BDNF: variants seen among roughly 807,000 people sequenced by gnomAD.
BDNF encodes the protein brain derived neurotrophic factor.
Under a neutral mutation model 19.5 loss-of-function variants are expected in BDNF, and 1 was observed. The ratio of observed to expected loss-of-function variants is 0.05; its 90% CI spans 0.02 to 0.24. The LOEUF (loss-of-function observed/expected upper bound fraction) is 0.24. Ranked by LOEUF, BDNF falls within the 10% of genes least tolerant of loss-of-function variation. The pLI is 1.00. For synonymous variants in BDNF, 100 were observed against 121.6 expected, an observed-to-expected ratio of 0.82 and a Z score of 1.17; for missense variants, 195 against 317.6, an observed-to-expected ratio of 0.61 and a Z score of 2.93.
Position 27,677,524 on chromosome 11 carries a change from A to G in BDNF, c.-21-18939T>C, listed in dbSNP as rs372974044. On this transcript the variant is annotated intron_variant, in intron 1 of 1. Transcript: ENST00000356660. ...GCACTCCAGCCTGGGCGACAGAGCGAGACTCCGTCTCAAAAAAAAAACAGG... is the reference window on the plus strand; with the variant it reads ...GCACTCCAGCCTGGGCGACAGAGCGGGACTCCGTCTCAAAAAAAAAACAGG... 1.7e-3 allele frequency: 241 copies of G among 141,874 alleles called. 1 individual carries two copies. The highest frequency in any genetic ancestry group is 5.7e-3 in the African/African-American group (226 of 39,362). The allele number at this position is 141,874 out of a possible 1,614,324, so 8.8% of individuals were successfully genotyped here.
At chr11:27,674,707 G>A in intron 1 of BDNF, 2 of 985,334 alleles carry the variant, frequency 2.0e-6, no homozygotes, top group Non-Finnish European at 2.4e-6. Flanking sequence ...GAAAACATCT[G>A]TTTATCTCCA....
intron 1 of BDNF, among the ~76,000 whole-genome samples, chr11:27,679,470 C>A (rs1467495259): frequency 6.6e-6 from 1 of 152,188 alleles, no homozygotes; most frequent in Non-Finnish European, 1.5e-5. Flanking sequence ...TTAGGAAAAT[C>A]ATTTTCAAGG....
At chr11:27,663,214 AAGAT>A (rs1415557583) in intron 1 of BDNF, among the ~76,000 whole-genome samples, 1 of 152,232 alleles carries the variant, frequency 6.6e-6, no homozygotes, top group Non-Finnish European at 1.5e-5. Context: ...TATCACACAT[AAGAT>A]AAAGAGGCTG....
At chr11:27,716,442 C>A (rs562866519) in intron 1 of BDNF, among the ~76,000 whole-genome samples, 1 of 117,990 alleles carries the variant, frequency 8.5e-6, no homozygotes, top group East Asian at 2.5e-4. Context: ...CACGCCCATA[C>A]ACACACACAC....
intron 1 of BDNF, among the ~76,000 whole-genome samples, chr11:27,708,951 C>T (rs969011565): frequency 2.5e-4 from 37 of 150,972 alleles, no homozygotes; most frequent in African/African-American, 3.4e-4. Context: ...GCCTCAGCCT[C>T]CCAAGTAGCT....
In BDNF at chr11:27,700,198, G is replaced by C. The variant is rs1045737706; in HGVS notation, c.-56C>G. The C allele has an allele frequency of 1.2e-5, 12 of 985,576 alleles. No homozygotes were observed. Among genetic ancestry groups the C allele is most frequent in the Non-Finnish European group, 1.4e-5 (12 of 830,190 alleles). The allele number at this position is 985,576 out of a possible 1,614,324, so 61.1% of individuals were successfully genotyped here. On this transcript the variant is annotated 5_prime_UTR_variant, in exon 1 of 2. Coordinates refer to ENST00000356660, the MANE Select transcript of BDNF (RefSeq NM_001709.5). The stretch of plus-strand genomic sequence containing the variant: ...CACACAAACCTCACGGGTCCCCGGC[G>C]GCGGAGTCACATCGTGGTTCCGATT...
intron 1 of BDNF, among the ~76,000 whole-genome samples, chr11:27,662,042 G>A (rs1005698914): frequency 6.6e-5 from 10 of 151,940 alleles, no homozygotes; most frequent in Non-Finnish European, 1.0e-4. Context: ...TTGCTCTGTC[G>A]CCCAGGCTGG....
chr11:27,679,522 T>C (rs1856595034), intron 1 of BDNF, among the ~76,000 whole-genome samples: 1 of 152,204 alleles, frequency 6.6e-6, no homozygotes, highest in Non-Finnish European at 1.5e-5. Flanking sequence ...GGTAACTCAA[T>C]AGACTTGCTA....
chr11:27,673,989 A>C, intron 1 of BDNF: 1 of 1,452,914 alleles, frequency 6.9e-7, no homozygotes, highest in Non-Finnish European at 9.1e-7. Flanking sequence ...CTCCTTTTCA[A>C]ACTATTATCA....
chr11:27,700,536 C>CCCCCGCT, upstream of BDNF: 5 of 723,622 alleles, frequency 6.9e-6, no homozygotes, highest in African/African-American at 2.0e-5. Context: ...CCCCCCCCGC[C>CCCCCGCT]CCCCGCCCCC....
chr11:27,664,961 G>A (rs902641970), intron 1 of BDNF, among the ~76,000 whole-genome samples: 1 of 152,136 alleles, frequency 6.6e-6, no homozygotes, highest in African/African-American at 2.4e-5. Context: ...GCATACTCAA[G>A]CCACTTGGAT....
intron 1 of BDNF, among the ~76,000 whole-genome samples, chr11:27,687,871 A>G (rs1857696198): frequency 6.6e-6 from 1 of 152,194 alleles, no homozygotes; most frequent in Non-Finnish European, 1.5e-5. Flanking sequence ...TCTCCCACTC[A>G]GGAATCACGA....
chr11:27,676,752 A>G (rs1030476155), intron 1 of BDNF, among the ~76,000 whole-genome samples: 1 of 152,224 alleles, frequency 6.6e-6, no homozygotes, highest in Non-Finnish European at 1.5e-5. Context: ...GCATCCCTTG[A>G]GTATGAAAGT....
At chr11:27,720,331 C>A (rs890140574) in intron 1 of BDNF, 2 of 985,732 alleles carry the variant, frequency 2.0e-6, no homozygotes, top group African/African-American at 3.5e-5. Context: ...AAGGGGTCCC[C>A]GCCCTGGTGC....
At position 27,700,323 on chromosome 11, in the gene BDNF, G is replaced by A; in HGVS notation, c.-181C>T. On this transcript the variant is annotated 5_prime_UTR_variant, in exon 1 of 2. Coordinates refer to ENST00000356660, the MANE Select transcript of BDNF (RefSeq NM_001709.5). ...CATTAAAGCCCCCCGAGCAGGAGGTGGAGGGGCGCACCGGGCTGGCTCCTC... is the reference window on the plus strand; with the variant it reads ...CATTAAAGCCCCCCGAGCAGGAGGTAGAGGGGCGCACCGGGCTGGCTCCTC... The A allele has an allele frequency of 1.0e-6, 1 of 985,324 alleles. No homozygotes were observed. Among genetic ancestry groups the A allele is most frequent in the Non-Finnish European group, 1.2e-6 (1 of 829,958 alleles). 61.0% of individuals were successfully genotyped at this position (985,324 alleles called of 1,614,324 possible).
intron 1 of BDNF, among the ~76,000 whole-genome samples, chr11:27,716,219 C>A (rs1374762810): frequency 6.6e-6 from 1 of 152,000 alleles, no homozygotes; most frequent in Non-Finnish European, 1.5e-5. Context: ...CACCTTTAAG[C>A]CAAAAAGGGG....
intron 1 of BDNF, among the ~76,000 whole-genome samples, chr11:27,698,489 C>G (rs1457953297): frequency 1.3e-5 from 2 of 152,088 alleles, no homozygotes; most frequent in Non-Finnish European, 2.9e-5. Flanking sequence ...CAAATTAAAT[C>G]TGTAATTATG....
intron 1 of BDNF, among the ~76,000 whole-genome samples, chr11:27,684,043 A>C (rs1857174306): frequency 6.6e-6 from 1 of 152,130 alleles, no homozygotes; most frequent in African/African-American, 2.4e-5. Context: ...ATGAGAATGG[A>C]ATGTTCTTCC....
chr11:27,719,776 G>GA (rs1860679682), intron 1 of BDNF: 1 of 158,966 alleles, frequency 6.3e-6, no homozygotes, highest in Non-Finnish European at 1.3e-5. Flanking sequence ...GGAGGGAGGG[G>GA]GAAAGAGAGG....
Sources: gnomAD v4.1 joint callset for allele counts (sites outside exome capture counted in the v4.1 genomes callset) on GRCh38, gnomAD v4.1.1 for gene constraint, MANE v1.5 for transcripts, NCBI Gene and HGNC (gene_info 2026-07-23, HGNC 2026-07-21) for gene names.